The following SNTN variants were observed in gnomAD, a reference collection of about 807,000 sequenced individuals.
SNTN encodes the protein sentan.
In SNTN, 13 loss-of-function variants were observed where a neutral mutation model predicts 12.3. That is an observed-to-expected ratio of 1.05 (90% CI 0.69 to 1.67). The LOEUF (loss-of-function observed/expected upper bound fraction) is 1.67, where lower values mean the gene tolerates loss of function less well. Ranked by LOEUF, SNTN falls within the 40% of genes most tolerant of loss-of-function variation. SNTN has a pLI of 0.00. For synonymous variants in SNTN, 69 were observed against 58.5 expected, an observed-to-expected ratio of 1.18 and a Z score of -0.82; for missense variants, 189 against 169.8, an observed-to-expected ratio of 1.11 and a Z score of -0.63.
intron 1 of SNTN, among the ~76,000 whole-genome samples, chr3:63,653,751 T>G (rs1175617784): frequency 2.6e-5 from 4 of 152,230 alleles, no homozygotes; most frequent in Non-Finnish European, 4.4e-5. Context: ...TTCTATCTAC[T>G]TCTGATATAA....
chr3:63,659,576 T>A (rs4688419), intron 2 of SNTN, 149 bp from the exon 3 acceptor site: 1 of 774,944 alleles, frequency 1.3e-6, no homozygotes, highest in East Asian at 2.5e-5. Flanking sequence ...GATGCAGGAT[T>A]GGAAACTCCC....
chr3:63,658,494 C>T (rs1294649496), intron 2 of SNTN, among the ~76,000 whole-genome samples: 3 of 151,242 alleles, frequency 2.0e-5, no homozygotes. Context: ...TATACATATA[C>T]ATACTCTTGA....
At position 63,664,089 on chromosome 3, in the gene SNTN, G is replaced by GA. The variant is rs1401379738; in HGVS notation, c.441dup (p.Ter148MetfsTer9). 1 of 1,604,504 alleles carries GA rather than the reference G, an allele frequency of 6.2e-7. No homozygotes were observed. Among genetic ancestry groups the GA allele is most frequent in the Non-Finnish European group, 8.5e-7 (1 of 1,175,988 alleles). On this transcript the variant is annotated frameshift_variant, in exon 4 of 4. Transcript: ENST00000343837. LOFTEE classifies it high-confidence loss of function. Reference sequence around the variant, plus strand: ...AAAATATACGGAATGTAAAAATTATGAAATGAACAGTTTTAAATATGCTGT... The same window carrying GA: ...AAAATATACGGAATGTAAAAATTATGAAAATGAACAGTTTTAAATATGCTGT...
chr3:63,654,734 C>T, intron 1 of SNTN, 28 bp from the exon 2 acceptor site: 1 of 1,610,186 alleles, frequency 6.2e-7, no homozygotes, highest in Non-Finnish European at 8.5e-7. Flanking sequence ...CTCCCAGAAT[C>T]ATTCTGTTTC....
rs776112674 is a variant in SNTN at position 63,659,746 on chromosome 3, TG to T, written c.169del (p.Glu57LysfsTer9). The T allele has an allele frequency of 6.2e-7, 1 of 1,613,994 alleles. No homozygotes were observed. The highest frequency in any genetic ancestry group is 8.5e-7 in the Non-Finnish European group (1 of 1,179,916). ...CTAGCTCTGAGGAAGTGCTCAGATC[TG>T]GAAAAAGCTATTGCCACCACTGCTC... The part of the protein sequence containing the change: ...SVKALRKCSD[L>X]EKAIATTALI... On this transcript the variant is annotated frameshift_variant, in exon 3 of 4. Coordinates refer to ENST00000343837, the MANE Select transcript of SNTN (RefSeq NM_001080537.2). LOFTEE classifies it high-confidence loss of function.
In SNTN at chr3:63,664,128, A is replaced by G; in HGVS notation, c.*33A>G. ...TAAATATGCTGTATAAAATAATGGCAAAAGACAGTGTTATTAAAATGTTTC... is the reference window on the plus strand; with the variant it reads ...TAAATATGCTGTATAAAATAATGGCGAAAGACAGTGTTATTAAAATGTTTC... On this transcript the variant is annotated 3_prime_UTR_variant, in exon 4 of 4. Coordinates refer to ENST00000343837, the MANE Select transcript of SNTN (RefSeq NM_001080537.2). The G allele has an allele frequency of 6.5e-7, 1 of 1,528,566 alleles. No individual in the cohort carries two copies. The highest frequency in any genetic ancestry group is 8.9e-7 in the Non-Finnish European group (1 of 1,129,566). 94.7% of individuals were successfully genotyped at this position (1,528,566 alleles called of 1,614,324 possible). A position where few individuals can be genotyped will look rare whatever the true frequency, so the allele number is the denominator to read the frequency against.
intron 3 of SNTN, among the ~76,000 whole-genome samples, chr3:63,663,297 G>A (rs1700761649): frequency 6.6e-6 from 1 of 152,158 alleles, no homozygotes; most frequent in South Asian, 2.1e-4. Context: ...TGCATCTGTA[G>A]GATGAGGATA....
chr3:63,656,658 C>G (rs1310681693), intron 2 of SNTN, among the ~76,000 whole-genome samples: 1 of 151,882 alleles, frequency 6.6e-6, no homozygotes, highest in Admixed American at 6.6e-5. Flanking sequence ...GATTGTGGCT[C>G]AAATTATTTT....
In SNTN at chr3:63,652,682, G is replaced by A. The variant is rs755857884; in HGVS notation, c.-6G>A. 1.9e-6 allele frequency: 3 copies of A among 1,612,690 alleles called. No individual in the cohort carries two copies. The highest frequency in any genetic ancestry group is 3.3e-5 in the Admixed American group (2 of 59,868). ...GAAGGACTGACACAAAACAGAAGAT[G>A]AGAGAATGGGTGGCTGTATGCACAG... On this transcript the variant is annotated 5_prime_UTR_variant, in exon 1 of 4. The change abolishes an upstream ATG in the 5' untranslated region. Transcript: ENST00000343837.
chr3:63,657,142 G>A (rs1308128772), intron 2 of SNTN, among the ~76,000 whole-genome samples: 1 of 152,162 alleles, frequency 6.6e-6, no homozygotes, highest in African/African-American at 2.4e-5. Flanking sequence ...ACAGGGCCTG[G>A]TAATAAATAC....
intron 1 of SNTN, among the ~76,000 whole-genome samples, chr3:63,653,951 T>C (rs1700648553): frequency 6.6e-6 from 1 of 152,166 alleles, no homozygotes; most frequent in African/African-American, 2.4e-5. Flanking sequence ...AATCATATGG[T>C]GATTTCTGCC....
rs374111968 is a variant in SNTN at position 63,663,948 on chromosome 3, C to T, written c.297C>T (p.Thr99=). ...QFRNFAEGQE[T]KPKYREILSE... Reference sequence around the variant, plus strand: ...CTCCATTCTCACAGGGACAAGAAACCAAGCCAAAATACAGAGAGATCCTTT... The same window carrying T: ...CTCCATTCTCACAGGGACAAGAAACTAAGCCAAAATACAGAGAGATCCTTT... Residue 99 remains threonine (T), a synonymous_variant, in exon 4 of 4, where the codon ACC becomes ACT. Transcript: ENST00000343837. 6.2e-7 allele frequency: 1 copy of T among 1,610,264 alleles called. No individual in the cohort carries two copies. The highest frequency in any genetic ancestry group is 1.3e-5 in the African/African-American group (1 of 74,798).
intron 2 of SNTN, 62 bp from the exon 3 acceptor site, chr3:63,659,663 C>T: frequency 6.3e-7 from 1 of 1,587,754 alleles, no homozygotes; most frequent in East Asian, 2.2e-5. Flanking sequence ...GACACAACAG[C>T]AGGTCTGGGG....
At chr3:63,660,904 G>A (rs147472871) in intron 3 of SNTN, among the ~76,000 whole-genome samples, 2 of 152,240 alleles carry the variant, frequency 1.3e-5, no homozygotes, top group Non-Finnish European at 2.9e-5. Flanking sequence ...TGGCCTAAAG[G>A]TTACTACCTT....
rs1480024165 is a variant in SNTN at position 63,664,897 on chromosome 3, C to A, written c.*802C>A. Among the ~76,000 whole-genome samples, 1 of 152,214 alleles carries A rather than the reference C, an allele frequency of 6.6e-6. No individual in the cohort carries two copies. Among genetic ancestry groups the A allele is most frequent in the African/African-American group, 2.4e-5 (1 of 41,546 alleles). ...CCTCCTGAGTAGCTGGGATTACAGG[C>A]GTGTGCCACGATGCCAGGCTAATTT... On this transcript the variant is annotated 3_prime_UTR_variant, in exon 4 of 4. Transcript: ENST00000343837.
intron 3 of SNTN, among the ~76,000 whole-genome samples, chr3:63,660,607 G>A (rs1364431551): frequency 1.3e-5 from 2 of 152,176 alleles, no homozygotes; most frequent in African/African-American, 4.8e-5. Flanking sequence ...GATTGACTGT[G>A]AGAGTTGAAG....
intron 2 of SNTN, among the ~76,000 whole-genome samples, chr3:63,658,006 C>G (rs1481567170): frequency 6.6e-6 from 1 of 152,126 alleles, no homozygotes; most frequent in African/African-American, 2.4e-5. Context: ...TGCTTTGATG[C>G]CTTCTCTTTC....
rs544790422 is a variant in SNTN, at chr3:63,654,847, A to G, written c.145+51A>G. ...CATTTTTCTCCTCTACCAAGATGGC[A>G]TGCCAAGTGTTAAAAAAAAATAATA... On this transcript the variant is annotated intron_variant, in intron 2 of 3. Transcript: ENST00000343837. 7 of 1,533,576 alleles carry G rather than the reference A, an allele frequency of 4.6e-6. No homozygotes were observed. The African/African-American group carries it at 5.7e-5, about 12-fold the overall frequency. The allele number at this position is 1,533,576 out of a possible 1,614,324, so 95.0% of individuals were successfully genotyped here.
intron 1 of SNTN, 51 bp downstream of exon 1, chr3:63,652,848 A>C (rs368359436): frequency 6.5e-7 from 1 of 1,549,892 alleles, no homozygotes; most frequent in African/African-American, 1.4e-5. Context: ...GCTTGCAGAT[A>C]TATTTCCAAA....
Sources: gnomAD v4.1 joint callset for allele counts (sites outside exome capture counted in the v4.1 genomes callset) on GRCh38, gnomAD v4.1.1 for gene constraint, MANE v1.5 for transcripts, NCBI Gene and HGNC (gene_info 2026-07-23, HGNC 2026-07-21) for gene names.